Variants in ADARB2 observed in about 807,000 individuals in gnomAD.
The protein encoded by ADARB2 is inactive double-stranded RNA-specific editase B2.
A neutral mutation model predicts 62.2 loss-of-function variants in ADARB2; 25 were observed. That is an observed-to-expected ratio of 0.40 (90% confidence interval 0.29 to 0.56). The LOEUF (loss-of-function observed/expected upper bound fraction) is 0.56, where lower values mean the gene tolerates loss of function less well. ADARB2 is among the 20% of genes least tolerant of loss of function. The pLI is 0.43. For missense variants in ADARB2, 1,071 were observed against 1,077.4 expected, an observed-to-expected ratio of 0.99 and a Z score of 0.08; for synonymous variants, 572 against 500.8, an observed-to-expected ratio of 1.14 and a Z score of -1.90.
intron 1 of ADARB2, among the ~76,000 whole-genome samples, chr10:1,660,615 A>G (rs1417715784): frequency 1.3e-5 from 2 of 152,180 alleles, no homozygotes; most frequent in East Asian, 3.9e-4. Flanking sequence ...GATTTGTCTT[A>G]TAATTGTGCC....
chr10:1,220,249 G>A (rs112372325), intron 6 of ADARB2, among the ~76,000 whole-genome samples: 172 of 139,288 alleles, frequency 1.2e-3, no homozygotes, highest in South Asian at 2.3e-3. Context: ...GATAATGGTG[G>A]TGGTGGTGAT....
chr10:1,433,754 G>A lies in ADARB2; in HGVS notation c.101-54594C>T, dbSNP rs1001133141. Among the ~76,000 whole-genome samples the A allele has an allele frequency of 3.9e-5, 6 of 152,180 alleles. No individual in the cohort carries two copies. In the East Asian group the frequency reaches 7.7e-4, roughly 20 times the overall value. On this transcript the variant is annotated intron_variant, in intron 1 of 9. Transcript: ENST00000381312. ...CAATACAGGAAGTTGGAAATGCAGC[G>A]CGGAGATAATTTAAAGGATCAGTAG...
intron 1 of ADARB2, among the ~76,000 whole-genome samples, chr10:1,731,254 G>A (rs891828753): frequency 1.3e-5 from 2 of 152,188 alleles, no homozygotes; most frequent in Non-Finnish European, 2.9e-5. Context: ...TTGCTAGGGC[G>A]TTGCTTAAAC....
intron 1 of ADARB2, among the ~76,000 whole-genome samples, chr10:1,450,691 A>G (rs1831025933): frequency 6.6e-6 from 1 of 152,218 alleles, no homozygotes; most frequent in Admixed American, 6.5e-5. Flanking sequence ...AGGTCATGGC[A>G]GGGAACATGG....
chr10:1,191,870 C>CA (rs1219620054), intron 8 of ADARB2, among the ~76,000 whole-genome samples: 1 of 152,174 alleles, frequency 6.6e-6, no homozygotes, highest in African/African-American at 2.4e-5. Context: ...AAGCTGGACT[C>CA]ACTTCTGTGA....
At chr10:1,327,954 G>GGC in intron 3 of ADARB2, among the ~76,000 whole-genome samples, 2 of 144,224 alleles carry the variant, frequency 1.4e-5, no homozygotes, top group Non-Finnish European at 3.1e-5. Flanking sequence ...ACAGTTCAGT[G>GGC]TCTCACCAGT....
At chr10:1,587,853 A>G (rs1326231753) in intron 1 of ADARB2, among the ~76,000 whole-genome samples, 1 of 152,116 alleles carries the variant, frequency 6.6e-6, no homozygotes, top group African/African-American at 2.4e-5. Context: ...TAATGATTTT[A>G]TAAGGGGTTT....
At chr10:1,725,398 G>T (rs564826508) in intron 1 of ADARB2, among the ~76,000 whole-genome samples, 76 of 152,268 alleles carry the variant, frequency 5.0e-4, no homozygotes, top group African/African-American at 1.7e-3. Context: ...ATTCCTTCTT[G>T]CAAAAATACA....
intron 2 of ADARB2, among the ~76,000 whole-genome samples, chr10:1,377,739 C>G (rs755393670): frequency 6.6e-6 from 1 of 152,024 alleles, no homozygotes; most frequent in African/African-American, 2.4e-5. Context: ...TCTCTAGTGC[C>G]GGCACACCCT....
At chr10:1,284,677 G>C (rs1046094421) in intron 3 of ADARB2, among the ~76,000 whole-genome samples, 1 of 152,178 alleles carries the variant, frequency 6.6e-6, no homozygotes, top group African/African-American at 2.4e-5. Flanking sequence ...GCAGAAATGG[G>C]GTTGTTTCAG....
intron 1 of ADARB2, among the ~76,000 whole-genome samples, chr10:1,440,063 GTT>G (rs1413133368): frequency 6.7e-6 from 1 of 148,512 alleles, no homozygotes; most frequent in African/African-American, 2.5e-5. Flanking sequence ...ATGGAGGCAG[GTT>G]CTTCACTATG....
At chr10:1,727,880 A>G (rs202019178) in intron 1 of ADARB2, among the ~76,000 whole-genome samples, 4 of 152,234 alleles carry the variant, frequency 2.6e-5, no homozygotes, top group East Asian at 3.8e-4. Context: ...AGATTTACAC[A>G]TGAATAAATA....
chr10:1,696,773 T>C (rs1200308225), intron 1 of ADARB2, among the ~76,000 whole-genome samples: 1 of 152,174 alleles, frequency 6.6e-6, no homozygotes, highest in Admixed American at 6.5e-5. Context: ...GCAAAGAGGC[T>C]AGAGGCTGTG....
chr10:1,412,686 T>C (rs1173041967), intron 1 of ADARB2, among the ~76,000 whole-genome samples: 1 of 152,230 alleles, frequency 6.6e-6, no homozygotes, highest in African/African-American at 2.4e-5. Context: ...AGTCAATTTG[T>C]GGTTGCCAGG....
chr10:1,372,839 C>T (rs1157689676), intron 2 of ADARB2, among the ~76,000 whole-genome samples: 1 of 152,168 alleles, frequency 6.6e-6, no homozygotes, highest in East Asian at 1.9e-4. Flanking sequence ...GGGAGTAGGT[C>T]TGCAAGAAAC....
intron 1 of ADARB2, among the ~76,000 whole-genome samples, chr10:1,506,035 T>C (rs1387950176): frequency 1.3e-5 from 2 of 152,198 alleles, no homozygotes; most frequent in Non-Finnish European, 2.9e-5. Flanking sequence ...ATCTGATTAT[T>C]ATTTTATCTG....
At chr10:1,331,962 G>A (rs1831931888) in intron 3 of ADARB2, among the ~76,000 whole-genome samples, 1 of 152,188 alleles carries the variant, frequency 6.6e-6, no homozygotes, top group Non-Finnish European at 1.5e-5. Flanking sequence ...TGAACAGTTT[G>A]GGAAATTTTC....
intron 1 of ADARB2, among the ~76,000 whole-genome samples, chr10:1,585,695 C>A (rs150086704): frequency 6.6e-6 from 1 of 152,322 alleles, no homozygotes; most frequent in African/African-American, 2.4e-5. Flanking sequence ...GTACATTTTA[C>A]GCAGACTGAT....
intron 1 of ADARB2, among the ~76,000 whole-genome samples, chr10:1,412,923 C>T (rs1490007946): frequency 6.6e-6 from 1 of 152,232 alleles, no homozygotes; most frequent in Non-Finnish European, 1.5e-5. Context: ...TTCCTTGGTT[C>T]ATTTCCCTGC....
Sources: allele counts gnomAD v4.1 joint callset (sites outside exome capture counted in the v4.1 genomes callset), GRCh38; gene constraint gnomAD v4.1.1; transcripts MANE v1.5; gene names NCBI Gene and HGNC (gene_info 2026-07-23, HGNC 2026-07-21).